The following SLC68A1 variants were observed in gnomAD, a reference collection of about 807,000 sequenced individuals.
SLC68A1 encodes the protein solute carrier family 68 member 1.
the SLC68A1 span, chr10:102,476,348 G>A: frequency 3.2e-6 from 1 of 308,190 alleles, no homozygotes; most frequent in Non-Finnish European, 4.8e-6. Context: ...GATTACAGGC[G>A]TGAGCCACTG....
At chr10:102,469,346 A>C in the SLC68A1 span, 12 of 749,852 alleles carry the variant, frequency 1.6e-5, no homozygotes, top group Non-Finnish European at 2.7e-5. Flanking sequence ...CATCAAGAAA[A>C]GCTGTGGAGG....
the SLC68A1 span, among the ~76,000 whole-genome samples, chr10:102,465,475 C>T: frequency 6.6e-6 from 1 of 151,896 alleles, no homozygotes; most frequent in Non-Finnish European, 1.5e-5. Context: ...ACGTAGCAGG[C>T]ACTTGGCTTT....
the SLC68A1 span, among the ~76,000 whole-genome samples, chr10:102,469,522 A>T: frequency 6.6e-6 from 1 of 151,052 alleles, no homozygotes; most frequent in Non-Finnish European, 1.5e-5. Flanking sequence ...TGAAGGGGGC[A>T]GTGGTTTGAC....
chr10:102,463,273 C>T, the SLC68A1 span, among the ~76,000 whole-genome samples: 1 of 151,656 alleles, frequency 6.6e-6, no homozygotes, highest in Non-Finnish European at 1.5e-5. Flanking sequence ...CCCGGGTTCA[C>T]GCTATTCTGC....
At chr10:102,467,653 G>C in the SLC68A1 span, among the ~76,000 whole-genome samples, 23 of 121,322 alleles carry the variant, frequency 1.9e-4, no homozygotes, top group African/African-American at 6.1e-4. Context: ...GGCTTACAGT[G>C]CTTCTTCTTT....
chr10:102,473,434 C>A, the SLC68A1 span: 1 of 909,472 alleles, frequency 1.1e-6, no homozygotes, highest in Non-Finnish European at 1.7e-6. Flanking sequence ...TGAAGATGAA[C>A]TAAGACAGTG....
At chr10:102,469,229 G>A in the SLC68A1 span, 1 of 1,611,594 alleles carries the variant, frequency 6.2e-7, no homozygotes, top group East Asian at 2.2e-5. Flanking sequence ...TAACATGGAG[G>A]AGGGGGTGGG....
the SLC68A1 span, chr10:102,468,861 C>T: frequency 1.7e-6 from 1 of 600,852 alleles, no homozygotes; most frequent in Non-Finnish European, 2.9e-6. Flanking sequence ...AAACTCTCTC[C>T]TGTTGGAAAT....
At chr10:102,464,187 C>G in the SLC68A1 span, among the ~76,000 whole-genome samples, 3 of 152,194 alleles carry the variant, frequency 2.0e-5, no homozygotes, top group Non-Finnish European at 4.4e-5. Context: ...CACGGTGGCT[C>G]TCGCCTGTGA....
the SLC68A1 span, among the ~76,000 whole-genome samples, chr10:102,467,849 G>C: frequency 6.6e-6 from 1 of 152,088 alleles, no homozygotes; most frequent in African/African-American, 2.4e-5. Flanking sequence ...GTAGAGACGG[G>C]GTTTCACCGT....
the SLC68A1 span, chr10:102,475,945 C>T: frequency 6.2e-7 from 1 of 1,612,928 alleles, no homozygotes; most frequent in East Asian, 2.2e-5. Context: ...AGCGCCAGAA[C>T]CTGTCACAGG....
chr10:102,462,169 G>C, the SLC68A1 span: 1 of 152,372 alleles, frequency 6.6e-6, no homozygotes, highest in Non-Finnish European at 1.5e-5. Context: ...GCTAGACCCT[G>C]CTGTGGGGAG....
chr10:102,464,064 T>C, the SLC68A1 span, among the ~76,000 whole-genome samples: 1 of 152,232 alleles, frequency 6.6e-6, no homozygotes, highest in Non-Finnish European at 1.5e-5. Flanking sequence ...CCAGCTGGTC[T>C]CTAACTTCTG....
chr10:102,468,678 A>G, the SLC68A1 span: 5 of 195,540 alleles, frequency 2.6e-5, no homozygotes, highest in Non-Finnish European at 3.2e-5. Context: ...AAAAAAAAAA[A>G]AAGACATCGA....
chr10:102,472,914 G>T, the SLC68A1 span: 1 of 1,614,144 alleles, frequency 6.2e-7, no homozygotes, highest in East Asian at 2.2e-5. Context: ...TCTGTTGTCC[G>T]ACCATATCTC....
At chr10:102,464,415 C>T in the SLC68A1 span, among the ~76,000 whole-genome samples, 6 of 151,660 alleles carry the variant, frequency 4.0e-5, no homozygotes, top group African/African-American at 1.5e-4. Flanking sequence ...CCCACCACTG[C>T]ACTCTAGCCT....
chr10:102,472,968 G>A, the SLC68A1 span: 6 of 1,583,670 alleles, frequency 3.8e-6, no homozygotes, highest in African/African-American at 1.3e-5. Context: ...TGGACCTTGG[G>A]TGCTTCATGC....
the SLC68A1 span, chr10:102,465,984 C>A: frequency 5.9e-5 from 9 of 152,272 alleles, no homozygotes; most frequent in African/African-American, 1.9e-4. Flanking sequence ...CCTTGCAGGC[C>A]CCCATCTTCT....
chr10:102,474,780 G>A, the SLC68A1 span, among the ~76,000 whole-genome samples: 2 of 152,028 alleles, frequency 1.3e-5, no homozygotes, highest in African/African-American at 4.8e-5. Context: ...CCAAGTAGTT[G>A]GGACCACAGG....
Sources: gnomAD v4.1 joint callset for allele counts (sites outside exome capture counted in the v4.1 genomes callset) on GRCh38, gnomAD v4.1.1 for gene constraint, MANE v1.5 for transcripts, NCBI Gene and HGNC (gene_info 2026-07-23, HGNC 2026-07-21) for gene names.